MACC1: variants seen among roughly 807,000 people sequenced by gnomAD.
The protein encoded by MACC1 is metastasis-associated in colon cancer protein 1.
Under a neutral mutation model 70.7 loss-of-function variants are expected in MACC1, and 79 were observed. The observed-to-expected ratio is 1.12, with a 90% CI of 0.93 to 1.35. The LOEUF (loss-of-function observed/expected upper bound fraction) is 1.35, where lower values mean the gene tolerates loss of function less well. Ranked by LOEUF, MACC1 falls within the 40% of genes most tolerant of loss-of-function variation. The pLI, the probability that MACC1 is intolerant of heterozygous loss-of-function variation, is 0.00. For synonymous variants in MACC1, 361 were observed against 347.2 expected (o/e 1.04, Z -0.44); for missense variants, 1,106 against 978.1 (o/e 1.13, Z -1.74).
chr7:20,203,743 G>A (rs1483783835), intron 1 of MACC1, among the ~76,000 whole-genome samples: 1 of 152,096 alleles, frequency 6.6e-6, no homozygotes, highest in East Asian at 1.9e-4. Flanking sequence ...TGAAAATATT[G>A]CCAATTGGGA....
intron 1 of MACC1, among the ~76,000 whole-genome samples, chr7:20,175,664 C>T (rs535777608): frequency 1.3e-5 from 2 of 152,166 alleles, no homozygotes; most frequent in East Asian, 1.9e-4. Context: ...TTTTAGGTAA[C>T]ATTTCATCCT....
chr7:20,168,478 A>C (rs560493996), intron 2 of MACC1, among the ~76,000 whole-genome samples: 100 of 152,360 alleles, frequency 6.6e-4, no homozygotes, highest in African/African-American at 2.3e-3. Flanking sequence ...CAGTGATCAT[A>C]GAACACAAAG....
In MACC1 at chr7:20,158,360, TAAA is replaced by T; in HGVS notation, c.1998_2000del (p.Leu667del). On this transcript the variant is annotated inframe_deletion, in exon 5 of 7. Transcript: ENST00000400331. ...GATGTGAGTAACCCAGGACATCAGC[TAAA>T]ACTTTCCAATCATAAACTTTTTCTG... The T allele has an allele frequency of 6.2e-7, 1 of 1,613,890 alleles. No homozygotes were observed. The highest frequency in any genetic ancestry group is 8.5e-7 in the Non-Finnish European group (1 of 1,179,980).
At chr7:20,166,069 T>G (rs1012200036) in intron 2 of MACC1, among the ~76,000 whole-genome samples, 1 of 152,186 alleles carries the variant, frequency 6.6e-6, no homozygotes, top group African/African-American at 2.4e-5. Flanking sequence ...TCCTTTGAAT[T>G]TTTTATGATA....
intron 6 of MACC1, among the ~76,000 whole-genome samples, chr7:20,145,442 A>G (rs1027041269): frequency 2.6e-5 from 4 of 152,196 alleles, no homozygotes; most frequent in African/African-American, 9.6e-5. Flanking sequence ...AACCAGAACA[A>G]GCAGCAGTAG....
chr7:20,156,367 C>T (rs905229958), intron 5 of MACC1, among the ~76,000 whole-genome samples: 6 of 152,092 alleles, frequency 3.9e-5, no homozygotes, highest in East Asian at 1.9e-4. Context: ...TCTAATTAGC[C>T]GCTTGAGGCA....
intron 2 of MACC1, among the ~76,000 whole-genome samples, chr7:20,166,783 T>C (rs1275798960): frequency 6.6e-6 from 1 of 152,188 alleles, no homozygotes. Flanking sequence ...TATCACCAGG[T>C]CAAGATGTCT....
At chr7:20,214,403 A>T (rs1279107756) in intron 1 of MACC1, among the ~76,000 whole-genome samples, 1 of 152,002 alleles carries the variant, frequency 6.6e-6, no homozygotes, top group Non-Finnish European at 1.5e-5. Flanking sequence ...GTGTTTCCCA[A>T]ACTTCACTCA....
Position 20,147,169 on chromosome 7 carries a change from A to T in MACC1, c.2347-6011T>A, listed in dbSNP as rs184214087. On this transcript the variant is annotated intron_variant, in intron 6 of 6. Coordinates refer to ENST00000400331, the MANE Select transcript of MACC1 (RefSeq NM_182762.4). Reference sequence around the variant, plus strand: ...GCCAAAAGAAATGAAATAGGAATAAAGGCAAAACATACATAGTTTTCCAAA... The same window carrying T: ...GCCAAAAGAAATGAAATAGGAATAATGGCAAAACATACATAGTTTTCCAAA... 2.6e-5 allele frequency among the ~76,000 whole-genome samples: 4 copies of T among 152,344 alleles called. No individual in the cohort carries two copies. In the East Asian group the frequency reaches 7.7e-4, roughly 29 times the overall value.
At chr7:20,146,897 T>G (rs938017424) in intron 6 of MACC1, among the ~76,000 whole-genome samples, 1 of 152,226 alleles carries the variant, frequency 6.6e-6, no homozygotes, top group Non-Finnish European at 1.5e-5. Flanking sequence ...GGTAACTTCA[T>G]GATGTTGCAG....
chr7:20,161,054 A>G (rs986666536), intron 4 of MACC1, among the ~76,000 whole-genome samples: 1 of 152,098 alleles, frequency 6.6e-6, no homozygotes, highest in Non-Finnish European at 1.5e-5. Flanking sequence ...CATTTCTATT[A>G]TAAGAATTTC....
chr7:20,168,262 TA>T (rs35356766), intron 2 of MACC1, among the ~76,000 whole-genome samples: 83,948 of 149,032 alleles, frequency 0.56, 23,660 homozygotes, highest in East Asian at 0.85. Context: ...TATTCTTCAG[TA>T]AAAAAAAAAA....
In MACC1 at chr7:20,161,826, T is replaced by C. The variant is rs747677053; in HGVS notation, c.37A>G (p.Arg13Gly). The change falls in exon 4 of 7, where the codon AGA becomes GGA. Residue 13 changes from arginine to glycine, a missense_variant. Physicochemically the swap from Arg to Gly is moderately radical, Grantham distance 125 (BLOSUM62 -2). Coordinates refer to ENST00000400331, the MANE Select transcript of MACC1 (RefSeq NM_182762.4). ...ITERKHFRSG[R>G]IAQSMSEANL... ...GCTTCAGACATACTTTGTGCAATTC[T>C]TCCTGACCGAAAATGTTTTCTTTCA... is the stretch of plus-strand genomic sequence containing the variant. 1.9e-6 allele frequency: 3 copies of C among 1,612,512 alleles called. No individual in the cohort carries two copies. In the South Asian group the frequency reaches 3.3e-5, roughly 18 times the overall value.
At chr7:20,174,675 T>C (rs189964150) in intron 1 of MACC1, among the ~76,000 whole-genome samples, 1 of 152,168 alleles carries the variant, frequency 6.6e-6, no homozygotes, top group East Asian at 1.9e-4. Flanking sequence ...CCTATTCACA[T>C]AAAATATTAT....
At chr7:20,202,604 T>A (rs944244011) in intron 1 of MACC1, among the ~76,000 whole-genome samples, 2 of 152,228 alleles carry the variant, frequency 1.3e-5, no homozygotes, top group African/African-American at 2.4e-5. Flanking sequence ...GAGAATTAAA[T>A]GATTTACTAT....
Position 20,154,307 on chromosome 7 carries a change from G to T in MACC1, c.2232C>A (p.Val744=). Reference sequence around the variant, plus strand: ...GTTCCCTCCAGCCTTTTCCAAGCTTGACAGCTGAAGTCAGAACAGCAGCTT... The same window carrying T: ...GTTCCCTCCAGCCTTTTCCAAGCTTTACAGCTGAAGTCAGAACAGCAGCTT... ...IQEAAVLTSA[V]KLGKGWRELA... The change falls in exon 6 of 7, where the codon GTC becomes GTA. Residue 744 remains valine, a synonymous_variant. Coordinates refer to ENST00000400331, the MANE Select transcript of MACC1 (RefSeq NM_182762.4). 6.2e-7 allele frequency: 1 copy of T among 1,613,900 alleles called. No homozygotes were observed. The highest frequency in any genetic ancestry group is 8.5e-7 in the Non-Finnish European group (1 of 1,179,928).
chr7:20,213,674 A>G (rs1783029536), intron 1 of MACC1, among the ~76,000 whole-genome samples: 1 of 152,198 alleles, frequency 6.6e-6, no homozygotes, highest in Admixed American at 6.5e-5. Context: ...CAAATACTGC[A>G]TGTTCTTATT....
rs143723477 is a variant in MACC1, at chr7:20,210,541, C to T, written c.-218+6758G>A. 2.5e-3 allele frequency among the ~76,000 whole-genome samples: 385 copies of T among 152,284 alleles called. 2 individuals carry two copies. The highest frequency in any genetic ancestry group is 4.5e-3 in the Non-Finnish European group (308 of 68,016). ...AATGACGCTACCTACGTCACAGTGA[C>T]CTATATTGATTCCCCACTGCCTTCA... On this transcript the variant is annotated intron_variant, in intron 1 of 6. Coordinates refer to ENST00000400331, the MANE Select transcript of MACC1 (RefSeq NM_182762.4).
intron 1 of MACC1, among the ~76,000 whole-genome samples, chr7:20,216,035 A>C (rs996119670): frequency 3.9e-5 from 6 of 152,190 alleles, no homozygotes; most frequent in African/African-American, 1.2e-4. Flanking sequence ...TCATATTAAA[A>C]ATCGCTATTA....
Sources: gnomAD v4.1 joint callset for allele counts (sites outside exome capture counted in the v4.1 genomes callset) on GRCh38, gnomAD v4.1.1 for gene constraint, MANE v1.5 for transcripts, NCBI Gene and HGNC (gene_info 2026-07-23, HGNC 2026-07-21) for gene names.